Variants in PHF11 observed in about 807,000 individuals in gnomAD.
The protein encoded by PHF11 is PHD finger protein 11.
Under a neutral mutation model 40.5 loss-of-function variants are expected in PHF11, and 38 were observed. The ratio of observed to expected loss-of-function variants is 0.94; its 90% CI spans 0.72 to 1.23. The LOEUF (loss-of-function observed/expected upper bound fraction) is 1.23, where lower values mean the gene tolerates loss of function less well. Among genes scored for constraint, PHF11 ranks in the 50% most tolerant of loss-of-function variants. The probability of loss-of-function intolerance (pLI) is 0.00; values close to 1 mark genes in which losing one functional copy is unlikely to be tolerated. For synonymous variants in PHF11, 127 were observed against 138.2 expected (o/e 0.92, Z 0.57); for missense variants, 369 against 392.4 (o/e 0.94, Z 0.50).
At chr13:49,497,013 A>G (rs1395511765) in intron 1 of PHF11, 15 of 1,197,580 alleles carry the variant, frequency 1.3e-5, no homozygotes, top group African/African-American at 4.8e-5. Context: ...TTGTATTTTT[A>G]GTAGAGAGGG....
At position 49,528,832 on chromosome 13, in the gene PHF11, T is replaced by C; in HGVS notation, c.*167T>C. 4 of 542,910 alleles carry C rather than the reference T, an allele frequency of 7.4e-6. No homozygotes were observed. Among genetic ancestry groups the C allele is most frequent in the South Asian group, 5.7e-5 (2 of 34,948 alleles). 33.6% of individuals were successfully genotyped at this position (542,910 alleles called of 1,614,324 possible). The stretch of plus-strand genomic sequence containing the variant: ...CATTTTGATCACTCTTTGCACACTC[T>C]TGTGTTTTTTGCTCACTGTCACATT... On this transcript the variant is annotated 3_prime_UTR_variant, in exon 10 of 10. Coordinates refer to ENST00000378319, the MANE Select transcript of PHF11 (RefSeq NM_001040443.3).
intron 1 of PHF11, chr13:49,496,669 CAAGGT>C: frequency 6.3e-6 from 1 of 158,952 alleles, no homozygotes; most frequent in Non-Finnish European, 1.4e-5. Flanking sequence ...AGGCTCAGGG[CAAGGT>C]CCTGAGCATA....
At position 49,496,250 on chromosome 13, in the gene PHF11, G is replaced by C. The variant is rs1291323859; in HGVS notation, c.94+155G>C. On this transcript the variant is annotated intron_variant, in intron 1 of 9. Coordinates refer to ENST00000378319, the MANE Select transcript of PHF11 (RefSeq NM_001040443.3). Reference sequence around the variant, plus strand: ...CGCCGGGGCGGCGCTGGACGAACTTGGCTCACCACTCGCGTGCCTGTTGGT... The same window carrying C: ...CGCCGGGGCGGCGCTGGACGAACTTCGCTCACCACTCGCGTGCCTGTTGGT... 6.2e-6 allele frequency: 4 copies of C among 641,970 alleles called. No homozygotes were observed. In the East Asian group the frequency reaches 1.5e-4, roughly 24 times the overall value. The allele number at this position is 641,970 out of a possible 1,614,324, so 39.8% of individuals were successfully genotyped here.
intron 6 of PHF11, 142 bp from the exon 7 acceptor site, chr13:49,523,033 G>T: frequency 1.5e-6 from 1 of 686,582 alleles, no homozygotes; most frequent in Non-Finnish European, 2.7e-6. Context: ...AAAGTGCTGA[G>T]ATTACAGGCG....
intron 1 of PHF11, chr13:49,496,958 C>T (rs971672443): frequency 9.5e-6 from 7 of 735,652 alleles, no homozygotes; most frequent in South Asian, 2.1e-5. Flanking sequence ...CTCAGCCTCC[C>T]GAGTGGATGG....
At position 49,528,603 on chromosome 13, in the gene PHF11, T is replaced by C. The variant is rs538098620; in HGVS notation, c.934T>C (p.Ser312Pro). The C allele has an allele frequency of 2.4e-5, 39 of 1,611,430 alleles. No individual in the cohort carries two copies. In the East Asian group the frequency reaches 8.0e-4, roughly 33 times the overall value. Residue 312 changes from serine to proline, a missense_variant, in exon 10 of 10, where the codon TCT becomes CCT. Coordinates refer to ENST00000378319, the MANE Select transcript of PHF11 (RefSeq NM_001040443.3). ...TCAGGACTTAAAACAAACCTTGTGC[T>C]CTTTTCAAGAAAATAGAGATCTTAT... ...LLQDLKQTLCSFQENRDLMSS... is the reference protein window; with the variant it reads ...LLQDLKQTLCPFQENRDLMSS...
intron 9 of PHF11, among the ~76,000 whole-genome samples, chr13:49,526,990 A>G (rs1053883200): frequency 6.6e-6 from 1 of 151,956 alleles, no homozygotes; most frequent in African/African-American, 2.4e-5. Flanking sequence ...TTCTCCCACT[A>G]TTAATCCTCA....
intron 2 of PHF11, among the ~76,000 whole-genome samples, chr13:49,507,662 G>C (rs1375911519): frequency 6.6e-6 from 1 of 152,178 alleles, no homozygotes; most frequent in Non-Finnish European, 1.5e-5. Flanking sequence ...ACATGTTCAG[G>C]ACACTTACGT....
intron 1 of PHF11, 128 bp downstream of exon 1, chr13:49,496,223 G>A: frequency 4.5e-6 from 3 of 670,736 alleles, no homozygotes; most frequent in Non-Finnish European, 6.3e-6. Context: ...CGGGGCCCTA[G>A]ACGCCGGGGC....
intron 1 of PHF11, among the ~76,000 whole-genome samples, chr13:49,500,778 C>G (rs1566185122): frequency 1.3e-5 from 2 of 152,150 alleles, no homozygotes; most frequent in African/African-American, 2.4e-5. Flanking sequence ...TCTCTGTATT[C>G]CCCGTTGTCA....
chr13:49,513,547 T>C (rs1244327356), intron 3 of PHF11, among the ~76,000 whole-genome samples: 2 of 152,084 alleles, frequency 1.3e-5, no homozygotes, highest in Non-Finnish European at 2.9e-5. Flanking sequence ...GCCAGGCTGG[T>C]CGCGAACTCC....
chr13:49,527,217 C>T (rs1263756769), intron 9 of PHF11: 1 of 152,018 alleles, frequency 6.6e-6, no homozygotes, highest in Non-Finnish European at 1.5e-5. Context: ...ATTAAGATGC[C>T]CTCAAGACAG....
chr13:49,527,508 T>C (rs565805763), intron 9 of PHF11, among the ~76,000 whole-genome samples: 3 of 152,340 alleles, frequency 2.0e-5, no homozygotes, highest in African/African-American at 7.2e-5. Context: ...ATATTATACA[T>C]TTCTATTTGA....
intron 4 of PHF11, among the ~76,000 whole-genome samples, chr13:49,520,617 T>G (rs1166745746): frequency 1.3e-5 from 2 of 152,236 alleles, no homozygotes; most frequent in Non-Finnish European, 2.9e-5. Flanking sequence ...GACCACTGTA[T>G]ATGAACTAGT....
chr13:49,504,045 AG>A (rs1002750726), intron 1 of PHF11, among the ~76,000 whole-genome samples: 3 of 152,122 alleles, frequency 2.0e-5, no homozygotes, highest in African/African-American at 7.2e-5. Context: ...TTTTTTAATG[AG>A]GCTCCTAGAA....
chr13:49,503,133 C>T (rs989781503), intron 1 of PHF11, among the ~76,000 whole-genome samples: 1 of 152,188 alleles, frequency 6.6e-6, no homozygotes. Context: ...TCCTGTGCAG[C>T]CTTTCCTCCT....
In PHF11 at chr13:49,524,087, G is replaced by A. The variant is rs751315130; in HGVS notation, c.640G>A (p.Ala214Thr). 1.2e-6 allele frequency: 2 copies of A among 1,604,274 alleles called. No individual in the cohort carries two copies. Among genetic ancestry groups the A allele is most frequent in the Admixed American group, 3.5e-5 (2 of 57,680 alleles). The change falls in exon 8 of 10, where the codon GCA (alanine) becomes ACA (threonine). Residue 214 changes from alanine (A) to threonine (T), a missense_variant and splice_region_variant. Transcript: ENST00000378319. ...VKEEHGRHTD[A>T]TVKVPFLKKC... The stretch of plus-strand genomic sequence containing the variant: ...TCAAATGTTTGTCTTATTCTTAGAT[G>A]CAACTGTGAAAGTTCCTTTTCTTAA...
At chr13:49,517,992 ACTC>A (rs1343191404) in intron 3 of PHF11, 23 bp from the exon 4 acceptor site, 1 of 220,236 alleles carries the variant, frequency 4.5e-6, no homozygotes, top group African/African-American at 6.8e-5. Context: ...ACAGGTACTT[ACTC>A]AGTAAAATCT....
chr13:49,521,915 CTTAG>C (rs1339240634), intron 5 of PHF11, 124 bp from the exon 6 acceptor site: 1 of 513,974 alleles, frequency 1.9e-6, no homozygotes, highest in African/African-American at 2.0e-5. Context: ...GCTGCAAACA[CTTAG>C]TTGAAGTTTG....
Sources: gnomAD v4.1 joint callset for allele counts (sites outside exome capture counted in the v4.1 genomes callset) on GRCh38, gnomAD v4.1.1 for gene constraint, MANE v1.5 for transcripts, NCBI Gene and HGNC (gene_info 2026-07-23, HGNC 2026-07-21) for gene names.